FLRT3: variants seen among roughly 807,000 people sequenced by gnomAD.
FLRT3 encodes the protein fibronectin leucine rich transmembrane protein 3.
A neutral mutation model predicts 42.6 loss-of-function variants in FLRT3; 17 were observed. That is an observed-to-expected ratio of 0.40 (90% CI 0.27 to 0.60). The LOEUF (loss-of-function observed/expected upper bound fraction) is 0.60. Ranked by LOEUF, FLRT3 falls within the 20% of genes least tolerant of loss-of-function variation. The pLI is 0.44. For missense variants in FLRT3, 635 were observed against 789.2 expected (o/e 0.80, Z 2.34); for synonymous variants, 279 against 286.4 (o/e 0.97, Z 0.26).
intron 2 of FLRT3, among the ~76,000 whole-genome samples, chr20:14,328,719 G>A (rs575595316): frequency 2.6e-5 from 4 of 152,086 alleles, no homozygotes; most frequent in South Asian, 2.1e-4. Flanking sequence ...GTAATCCTAT[G>A]GCGTACACAC....
In FLRT3 at chr20:14,325,717, A is replaced by G; in HGVS notation, c.1790T>C (p.Leu597Ser). 1 of 1,613,902 alleles carries G rather than the reference A, an allele frequency of 6.2e-7. No individual in the cohort carries two copies. Among genetic ancestry groups the G allele is most frequent in the Admixed American group, 1.7e-5 (1 of 60,002 alleles). The change falls in exon 3 of 3, where the codon TTA becomes TCA. Residue 597 changes from leucine (L) to serine (S), a missense_variant. Transcript: ENST00000341420. ...LEIRETSFQM[L>S]PISNEPISKE... ...CGAGATGGGTTCATTGCTTATTGGT[A>G]ACATCTGAAAAGAAGTTTCCCTGAT... is the stretch of plus-strand genomic sequence containing the variant.
At position 14,327,573 on chromosome 20, in the gene FLRT3, G is replaced by C. The variant is rs1407527373; in HGVS notation, c.-52-15C>G. ...ACTTCAGAACCCTAAAATGAAGTGA[G>C]TAAAAAAAGACAGAAAACAATAAGG... On this transcript the variant is annotated splice_polypyrimidine_tract_variant and intron_variant, in intron 2 of 2. Transcript: ENST00000341420. The C allele has an allele frequency of 4.0e-6, 6 of 1,485,632 alleles. No individual in the cohort carries two copies. The Admixed American group carries it at 1.5e-4, about 36-fold the overall frequency. The allele number at this position is 1,485,632 out of a possible 1,614,324, so 92.0% of individuals were successfully genotyped here.
At chr20:14,333,249 G>T (rs2122622182) in intron 1 of FLRT3, among the ~76,000 whole-genome samples, 1 of 152,198 alleles carries the variant, frequency 6.6e-6, no homozygotes, top group South Asian at 2.1e-4. Context: ...AATTTCCAAT[G>T]CTAAGTATTT....
At chr20:14,333,465 G>A (rs2082879783) in intron 1 of FLRT3, among the ~76,000 whole-genome samples, 1 of 152,138 alleles carries the variant, frequency 6.6e-6, no homozygotes, top group African/African-American at 2.4e-5. Flanking sequence ...GAGAACAAGA[G>A]TTGTAAGAAC....
intron 1 of FLRT3, among the ~76,000 whole-genome samples, chr20:14,332,980 T>C (rs377365964): frequency 5.3e-5 from 8 of 152,104 alleles, no homozygotes; most frequent in African/African-American, 1.4e-4. Flanking sequence ...GGTTAGTTGA[T>C]AGTGACAGCA....
intron 1 of FLRT3, among the ~76,000 whole-genome samples, chr20:14,334,523 G>T (rs1183941334): frequency 6.6e-6 from 1 of 152,100 alleles, no homozygotes; most frequent in African/African-American, 2.4e-5. Flanking sequence ...CCACTGGGGG[G>T]TGGTACACTC....
intron 2 of FLRT3, among the ~76,000 whole-genome samples, chr20:14,328,000 AT>A (rs2082766636): frequency 1.3e-5 from 2 of 152,028 alleles, no homozygotes; most frequent in South Asian, 4.1e-4. Flanking sequence ...AAAACCACAC[AT>A]TTTTATATTT....
At chr20:14,336,382 A>G (rs2082937121) in intron 1 of FLRT3, among the ~76,000 whole-genome samples, 1 of 152,132 alleles carries the variant, frequency 6.6e-6, no homozygotes, top group Non-Finnish European at 1.5e-5. Context: ...CAAACCCCCC[A>G]GATGTTGAGA....
chr20:14,323,942 T>G lies in FLRT3; in HGVS notation c.*1615A>C, dbSNP rs1416352130. On this transcript the variant is annotated 3_prime_UTR_variant, in exon 3 of 3. Transcript: ENST00000341420. ...GTGTATAAGTAAGAGGAAATACATT[T>G]ATACATGAAACACTGAACTCTTTGA... The G allele has an allele frequency of 6.6e-6, 1 of 152,192 alleles. No individual in the cohort carries two copies. The highest frequency in any genetic ancestry group is 2.4e-5 in the African/African-American group (1 of 41,448). 9.4% of individuals were successfully genotyped at this position (152,192 alleles called of 1,614,324 possible). A position where few individuals can be genotyped will look rare whatever the true frequency, so the allele number is the denominator to read the frequency against.
In FLRT3 at chr20:14,323,282, A is replaced by T. The variant is rs1256408644; in HGVS notation, c.*2275T>A. ...TTTTGTGTTCTATTAATTTGCTACA[A>T]CAGCTCACAAAATGCAAGGAAACAG... is the stretch of plus-strand genomic sequence containing the variant. On this transcript the variant is annotated 3_prime_UTR_variant, in exon 3 of 3. Transcript: ENST00000341420. 6.6e-6 allele frequency: 1 copy of T among 152,122 alleles called. No individual in the cohort carries two copies. The highest frequency in any genetic ancestry group is 1.5e-5 in the Non-Finnish European group (1 of 68,016). The allele number at this position is 152,122 out of a possible 1,614,324, so 9.4% of individuals were successfully genotyped here.
chr20:14,326,461 T>C lies in FLRT3; in HGVS notation c.1046A>G (p.Asn349Ser), dbSNP rs144067037. Residue 349 changes from asparagine to serine, a missense_variant, in exon 3 of 3, where the codon AAT (asparagine) becomes AGT (serine). Coordinates refer to ENST00000341420, the MANE Select transcript of FLRT3 (RefSeq NM_198391.3). The surrounding 1 kb of genome is among the most constrained non-coding windows in gnomAD (Gnocchi z 5.5). Reference sequence around the variant, plus strand: ...GTCCTTACAATCAAACAGTTCTGCATTGAGATCCTTAATAGCCATCCCACG... The same window carrying C: ...GTCCTTACAATCAAACAGTTCTGCACTGAGATCCTTAATAGCCATCCCACG... Reference protein sequence around the residue: ...KVRGMAIKDLNAELFDCKDSG... With the variant: ...KVRGMAIKDLSAELFDCKDSG... 4 of 1,613,764 alleles carry C rather than the reference T, an allele frequency of 2.5e-6. No homozygotes were observed. Among genetic ancestry groups the C allele is most frequent in the African/African-American group, 2.7e-5 (2 of 74,870 alleles).
chr20:14,327,033 C>T lies in FLRT3; in HGVS notation c.474G>A (p.Leu158=), dbSNP rs1045861157. The stretch of plus-strand genomic sequence containing the variant: ...TAAGGTGATTACGGGACAGGAAAAG[C>T]AGTCGGAGATAGTTGCTGTCTCGGA... ...GAFRDSNYLR[L]LFLSRNHLST... is the part of the protein sequence containing the mutation. The change falls in exon 3 of 3, where the codon CTG becomes CTA. Residue 158 remains leucine, a synonymous_variant. Transcript: ENST00000341420. The T allele has an allele frequency of 4.1e-5, 66 of 1,613,604 alleles. No homozygotes were observed. The highest frequency in any genetic ancestry group is 5.5e-5 in the Non-Finnish European group (65 of 1,179,780).
At chr20:14,336,636 C>A (rs1219885650) in intron 1 of FLRT3, among the ~76,000 whole-genome samples, 1 of 152,198 alleles carries the variant, frequency 6.6e-6, no homozygotes, top group Non-Finnish European at 1.5e-5. Flanking sequence ...AAACTCACTG[C>A]ATACATCAGG....
At chr20:14,335,741 T>C (rs1223636719) in intron 1 of FLRT3, among the ~76,000 whole-genome samples, 1 of 152,196 alleles carries the variant, frequency 6.6e-6, no homozygotes, top group Non-Finnish European at 1.5e-5. Context: ...AATATTTTGC[T>C]GATCCTTGGA....
chr20:14,331,481 T>G (rs2082838358), intron 1 of FLRT3, among the ~76,000 whole-genome samples: 1 of 152,112 alleles, frequency 6.6e-6, no homozygotes, highest in Non-Finnish European at 1.5e-5. Context: ...CTCATTAAGT[T>G]CTTGGAAAAT....
chr20:14,333,464 A>C lies in FLRT3; in HGVS notation c.-247+3940T>G, dbSNP rs1326228455. Among the ~76,000 whole-genome samples the C allele has an allele frequency of 4.6e-5, 7 of 152,184 alleles. No individual in the cohort carries two copies. The East Asian group carries it at 1.3e-3, about 29-fold the overall frequency. ...CAAAGTAAATGAATTAGAGAACAAG[A>C]GTTGTAAGAACGAGTAAGATATTAA... On this transcript the variant is annotated intron_variant, in intron 1 of 2. Transcript: ENST00000341420.
Position 14,327,129 on chromosome 20 carries a change from T to G in FLRT3, c.378A>C (p.Lys126Asn). 6.2e-7 allele frequency: 1 copy of G among 1,613,830 alleles called. No individual in the cohort carries two copies. The highest frequency in any genetic ancestry group is 1.3e-5 in the African/African-American group (1 of 75,026). The change falls in exon 3 of 3, where the codon AAA becomes AAC. Residue 126 changes from lysine (K) to asparagine (N), a missense_variant. Transcript: ENST00000341420. ...IRTITYDSLS[K>N]IPYLEELHLD... ...AATGTAATTCTTCCAGATAGGGAATTTTTGAAAGTGAATCATAAGTGATAG... is the reference window on the plus strand; with the variant it reads ...AATGTAATTCTTCCAGATAGGGAATGTTTGAAAGTGAATCATAAGTGATAG...
rs760491473 is a variant in FLRT3, at chr20:14,324,264, C to G, written c.*1293G>C. 2.1e-5 allele frequency: 3 copies of G among 145,220 alleles called. No homozygotes were observed. The highest frequency in any genetic ancestry group is 4.5e-5 in the Non-Finnish European group (3 of 66,444). 9.0% of individuals were successfully genotyped at this position (145,220 alleles called of 1,614,324 possible). On this transcript the variant is annotated 3_prime_UTR_variant, in exon 3 of 3. Transcript: ENST00000341420. The stretch of plus-strand genomic sequence containing the variant: ...GGCACATACAAGACTGGCCAAAGGG[C>G]GTACAATGCACTTTGGTTTTTTGTT...
At chr20:14,333,612 A>G (rs2082882585) in intron 1 of FLRT3, among the ~76,000 whole-genome samples, 1 of 152,180 alleles carries the variant, frequency 6.6e-6, no homozygotes, top group Admixed American at 6.6e-5. Flanking sequence ...TTACCATTGC[A>G]GACTTCAAAT....
Sources: allele counts gnomAD v4.1 joint callset (sites outside exome capture counted in the v4.1 genomes callset), GRCh38; gene constraint gnomAD v4.1.1; non-coding constraint Gnocchi (gnomAD v3.1); transcripts MANE v1.5; gene names NCBI Gene and HGNC (gene_info 2026-07-23, HGNC 2026-07-21).